CUBN: variants seen among roughly 807,000 people sequenced by gnomAD.
The protein encoded by CUBN is 460 kDa receptor.
In CUBN, 282 loss-of-function variants were observed where a neutral mutation model predicts 405.3. The observed-to-expected ratio is 0.70, with a 90% CI of 0.63 to 0.77. The LOEUF (loss-of-function observed/expected upper bound fraction) is 0.77. Ranked by LOEUF, CUBN falls within the 30% of genes least tolerant of loss-of-function variation. The pLI, the probability that CUBN is intolerant of heterozygous loss-of-function variation, is 0.00. For synonymous variants in CUBN, 1,684 were observed against 1,617.0 expected (o/e 1.04, Z -0.99); for missense variants, 4,514 against 4,475.2 (o/e 1.01, Z -0.25).
chr10:16,852,415 C>T (rs1177486046), intron 59 of CUBN, among the ~76,000 whole-genome samples: 1 of 145,612 alleles, frequency 6.9e-6, no homozygotes, highest in African/African-American at 2.5e-5. Context: ...ATCTTTCCCT[C>T]CCTCACTCTA....
chr10:16,859,480 T>C (rs564702611), intron 59 of CUBN, among the ~76,000 whole-genome samples: 77 of 152,150 alleles, frequency 5.1e-4, no homozygotes, highest in Non-Finnish European at 9.4e-4. Flanking sequence ...TACTCTACAA[T>C]GAGATGACCA....
chr10:17,051,213 T>C (rs1010492111), intron 22 of CUBN, among the ~76,000 whole-genome samples: 3 of 151,760 alleles, frequency 2.0e-5, no homozygotes, highest in Non-Finnish European at 4.4e-5. Flanking sequence ...TACAAAAAAT[T>C]AGCTGGGTGT....
At chr10:16,848,094 C>T (rs1363430842) in intron 60 of CUBN, among the ~76,000 whole-genome samples, 3 of 151,808 alleles carry the variant, frequency 2.0e-5, no homozygotes, top group Non-Finnish European at 4.4e-5. Context: ...TTGAAAAAAA[C>T]GATATTTTAT....
rs569727301 is a variant in CUBN, at chr10:16,861,831, C to T, written c.9454+7805G>A. Among the ~76,000 whole-genome samples, 48 of 152,186 alleles carry T rather than the reference C, an allele frequency of 3.2e-4. No homozygotes were observed. The South Asian group carries it at 5.4e-3, about 17-fold the overall frequency. The stretch of plus-strand genomic sequence containing the variant: ...GATCCCTTCTTTCTTGCTTCCAGTG[C>T]CCTTTTGCATACATTTCTGTTAAAA... On this transcript the variant is annotated intron_variant, in intron 59 of 66. Transcript: ENST00000377833.
Position 17,105,581 on chromosome 10 carries a change from C to T in CUBN, c.1112-6G>A, listed in dbSNP as rs1215377268. The T allele has an allele frequency of 1.3e-6, 2 of 1,534,164 alleles. No individual in the cohort carries two copies. Among genetic ancestry groups the T allele is most frequent in the Non-Finnish European group, 1.8e-6 (2 of 1,106,392 alleles). ...CGTGCAGAGAGGTAAGGAACCTGTT[C>T]AGAAATAAAAACAAACGTGTAAATA... is the stretch of plus-strand genomic sequence containing the variant. On this transcript the variant is annotated splice_polypyrimidine_tract_variant and splice_region_variant and intron_variant, in intron 10 of 66. Coordinates refer to ENST00000377833, the MANE Select transcript of CUBN (RefSeq NM_001081.4).
intron 13 of CUBN, among the ~76,000 whole-genome samples, chr10:17,102,253 C>CATT (rs1836509579): frequency 1.9e-4 from 28 of 144,148 alleles, no homozygotes; most frequent in Non-Finnish European, 3.4e-4. Flanking sequence ...GAGGATCCTC[C>CATT]TATTTATTTA....
chr10:17,058,985 A>G (rs1163773318), intron 22 of CUBN, among the ~76,000 whole-genome samples: 3 of 152,080 alleles, frequency 2.0e-5, no homozygotes, highest in African/African-American at 7.2e-5. Context: ...GAACATTTAC[A>G]AAGAAATGAA....
intron 9 of CUBN, among the ~76,000 whole-genome samples, chr10:17,110,230 T>C (rs1023966332): frequency 2.0e-5 from 3 of 152,188 alleles, no homozygotes; most frequent in African/African-American, 7.2e-5. Context: ...TTACGATATA[T>C]GCCTACTGTG....
intron 36 of CUBN, among the ~76,000 whole-genome samples, chr10:16,940,466 A>C (rs1255986529): frequency 6.6e-6 from 1 of 152,214 alleles, no homozygotes; most frequent in Non-Finnish European, 1.5e-5. Context: ...TTTTCTTCCT[A>C]GTGGGCAAAA....
At chr10:17,065,374 C>G (rs1224865284) in intron 22 of CUBN, 134 bp downstream of exon 22, 1 of 1,129,650 alleles carries the variant, frequency 8.9e-7, no homozygotes, top group Non-Finnish European at 1.3e-6. Context: ...ATTTAAGTCA[C>G]TACCCTTTAT....
chr10:16,899,289 C>A, intron 53 of CUBN, 106 bp from the exon 54 acceptor site: 1 of 865,586 alleles, frequency 1.2e-6, no homozygotes. Context: ...TTCAATTCAT[C>A]ATTTTTTACA....
At chr10:16,945,475 A>C (rs933296864) in intron 36 of CUBN, among the ~76,000 whole-genome samples, 11 of 152,198 alleles carry the variant, frequency 7.2e-5, no homozygotes, top group African/African-American at 2.7e-4. Context: ...AGTGAAGACA[A>C]AGACAAACCA....
At chr10:17,039,416 G>A (rs563982564) in intron 27 of CUBN, among the ~76,000 whole-genome samples, 3 of 152,266 alleles carry the variant, frequency 2.0e-5, no homozygotes, top group Admixed American at 6.5e-5. Context: ...TATAATAAGT[G>A]CCTGGGTTAC....
intron 6 of CUBN, among the ~76,000 whole-genome samples, chr10:17,120,763 C>T (rs1366630747): frequency 6.6e-6 from 1 of 152,178 alleles, no homozygotes; most frequent in Non-Finnish European, 1.5e-5. Context: ...CTGAAAACAG[C>T]AACAGCCTTT....
chr10:17,120,579 T>A (rs1373572270), intron 6 of CUBN, among the ~76,000 whole-genome samples: 2 of 152,260 alleles, frequency 1.3e-5, no homozygotes, highest in Non-Finnish European at 1.5e-5. Context: ...CAAAGTTGAA[T>A]CTGTCATTTA....
intron 48 of CUBN, among the ~76,000 whole-genome samples, chr10:16,912,310 TA>T (rs1460945371): frequency 1.8e-4 from 27 of 152,226 alleles, no homozygotes; most frequent in Admixed American, 7.2e-4. Context: ...ATAAAAGGGA[TA>T]ATGATAGTAC....
At chr10:17,013,423 T>C (rs1834242060) in intron 28 of CUBN, among the ~76,000 whole-genome samples, 1 of 152,096 alleles carries the variant, frequency 6.6e-6, no homozygotes, top group African/African-American at 2.4e-5. Context: ...TCTCTCTGTC[T>C]CTCTGTCTGA....
chr10:16,955,840 C>T (rs896302167), intron 31 of CUBN, among the ~76,000 whole-genome samples: 1 of 152,126 alleles, frequency 6.6e-6, no homozygotes, highest in South Asian at 2.1e-4. Context: ...TGAATCAGAC[C>T]ACTAGATTCC....
chr10:16,852,433 ATCCCTCCCTCTATCTTTCCC>A (rs1564386467), intron 59 of CUBN, among the ~76,000 whole-genome samples: 2 of 43,916 alleles, frequency 4.6e-5, no homozygotes, highest in African/African-American at 9.4e-5. Context: ...CTATCTTTCC[ATCCCTCCCTCTATCTTTCCC>A]TCCCTCCCTC....
Sources: allele counts gnomAD v4.1 joint callset (sites outside exome capture counted in the v4.1 genomes callset), GRCh38; gene constraint gnomAD v4.1.1; transcripts MANE v1.5; gene names NCBI Gene and HGNC (gene_info 2026-07-23, HGNC 2026-07-21).